The following APC variants were observed in gnomAD, a reference collection of about 807,000 sequenced individuals.
APC encodes APC regulator of Wnt signaling pathway.
A neutral mutation model predicts 247.0 loss-of-function variants in APC; 72 were observed. The ratio of observed to expected loss-of-function variants is 0.29; its 90% CI spans 0.24 to 0.35. APC has a LOEUF of 0.35. Among genes scored for constraint, APC ranks in the 10% least tolerant of loss-of-function variants. The pLI is 1.00. For missense variants in APC, 3,400 were observed against 3,360.7 expected (o/e 1.01, Z -0.29); for synonymous variants, 1,254 against 1,162.5 (o/e 1.08, Z -1.60).
At chr5:112,735,886 A>G (rs1473688809), upstream of APC, among the ~76,000 whole-genome samples, 2 of 152,220 alleles carry the variant, frequency 1.3e-5, no homozygotes, top group Non-Finnish European at 2.9e-5. Context: ...ATGAATATCT[A>G]TGATACATGC....
intron 5 of APC, among the ~76,000 whole-genome samples, chr5:112,777,456 C>G (rs1299231019): frequency 6.6e-6 from 1 of 152,148 alleles, no homozygotes; most frequent in Non-Finnish European, 1.5e-5. Flanking sequence ...AAGGAAGCAA[C>G]TACAGAAAGC....
At chr5:112,830,864 A>T (rs1764219864) in intron 14 of APC, among the ~76,000 whole-genome samples, 1 of 152,184 alleles carries the variant, frequency 6.6e-6, no homozygotes, top group Non-Finnish European at 1.5e-5. Flanking sequence ...TTGGACTGGC[A>T]GTTTTATGGG....
At chr5:112,719,103 TG>T (rs1397122138) in intron 1 of APC, among the ~76,000 whole-genome samples, 1 of 152,200 alleles carries the variant, frequency 6.6e-6, no homozygotes, top group Non-Finnish European at 1.5e-5. Context: ...ATTTTTGAAG[TG>T]GGACTGTATG....
At chr5:112,732,004 T>C (rs1752125686) in intron 1 of APC, among the ~76,000 whole-genome samples, 1 of 152,210 alleles carries the variant, frequency 6.6e-6, no homozygotes, top group Non-Finnish European at 1.5e-5. Flanking sequence ...TCAAGTGATC[T>C]GCCCACCTTG....
intron 7 of APC, among the ~76,000 whole-genome samples, chr5:112,793,732 GAAAT>G (rs1759897901): frequency 6.6e-6 from 1 of 152,094 alleles, no homozygotes; most frequent in Non-Finnish European, 1.5e-5. Context: ...GGAAATTAGA[GAAAT>G]AAATCAAAAT....
chr5:112,710,438 T>A (rs1018924499), intron 1 of APC, among the ~76,000 whole-genome samples: 2 of 152,184 alleles, frequency 1.3e-5, no homozygotes, highest in African/African-American at 4.8e-5. Flanking sequence ...ACCTTCTTTC[T>A]TTTCAAGAGC....
chr5:112,833,907 C>G (rs189359498), intron 14 of APC, among the ~76,000 whole-genome samples: 1 of 152,110 alleles, frequency 6.6e-6, no homozygotes, highest in African/African-American at 2.4e-5. Flanking sequence ...ATAATACTTC[C>G]AAGATATCTT....
At chr5:112,728,505 G>A (rs1328475794) in intron 1 of APC, among the ~76,000 whole-genome samples, 1 of 152,168 alleles carries the variant, frequency 6.6e-6, no homozygotes, top group African/African-American at 2.4e-5. Context: ...GACATCCCTG[G>A]AAAACACTGC....
chr5:112,739,602 T>TA (rs1476419588), intron 1 of APC, among the ~76,000 whole-genome samples: 2 of 152,202 alleles, frequency 1.3e-5, no homozygotes, highest in Non-Finnish European at 2.9e-5. Context: ...CCCATGCCTG[T>TA]AATACAAGCT....
At chr5:112,816,905 G>C (rs1279474884) in intron 9 of APC, among the ~76,000 whole-genome samples, 3 of 151,558 alleles carry the variant, frequency 2.0e-5, no homozygotes, top group Admixed American at 2.0e-4. Context: ...GTCTTGCTCT[G>C]TTGCCCAGGC....
chr5:112,775,560 A>G (rs1757532731), intron 4 of APC, 69 bp from the exon 5 acceptor site: 2 of 904,778 alleles, frequency 2.2e-6, no homozygotes, highest in Non-Finnish European at 3.6e-6. Flanking sequence ...CAACTGATGT[A>G]AGTATTGCTC....
At chr5:112,711,737 C>T (rs1256769441) in intron 1 of APC, among the ~76,000 whole-genome samples, 1 of 152,080 alleles carries the variant, frequency 6.6e-6, no homozygotes, top group East Asian at 1.9e-4. Flanking sequence ...ACAAAAAAAC[C>T]CAAAGAGATG....
intron 7 of APC, among the ~76,000 whole-genome samples, chr5:112,800,210 T>G (rs923360641): frequency 2.0e-5 from 3 of 152,222 alleles, no homozygotes; most frequent in African/African-American, 7.2e-5. Flanking sequence ...TGTTGACATC[T>G]TCACTTACGT....
Position 112,707,650 on chromosome 5 carries a change from G to C in APC, c.-68G>C, listed in dbSNP as rs1163893701. The C allele has an allele frequency of 1.5e-6, 2 of 1,362,968 alleles. No individual in the cohort carries two copies. The highest frequency in any genetic ancestry group is 1.9e-6 in the Non-Finnish European group (2 of 1,032,232). 84.4% of individuals were successfully genotyped at this position (1,362,968 alleles called of 1,614,324 possible). On this transcript the variant is annotated 5_prime_UTR_variant, in exon 1 of 14. Coordinates refer to the APC transcript ENST00000507379. ...GAGGTTGGCTCGATGCTGTTCCCAG[G>C]TACTGTTGTTGGCTGTTGGTGAGGA...
At chr5:112,805,730 C>G (rs540329845) in intron 8 of APC, among the ~76,000 whole-genome samples, 18 of 152,090 alleles carry the variant, frequency 1.2e-4, no homozygotes, top group Non-Finnish European at 2.4e-4. Context: ...CAAAAGCCAC[C>G]AACACTAGTT....
chr5:112,817,552 T>A (rs1302671887), intron 9 of APC, among the ~76,000 whole-genome samples: 1 of 152,178 alleles, frequency 6.6e-6, no homozygotes, highest in African/African-American at 2.4e-5. Flanking sequence ...GAAATTTAAT[T>A]CCAGATCTGT....
chr5:112,832,497 G>A (rs2047909033), intron 14 of APC, among the ~76,000 whole-genome samples: 1 of 152,238 alleles, frequency 6.6e-6, no homozygotes, highest in African/African-American at 2.4e-5. Flanking sequence ...GATGAAGAGA[G>A]TAAAGTAGCT....
intron 7 of APC, among the ~76,000 whole-genome samples, chr5:112,794,372 G>T (rs1338219449): frequency 3.3e-5 from 5 of 152,116 alleles, no homozygotes; most frequent in Non-Finnish European, 2.9e-5. Context: ...GAGCCACTGC[G>T]CCTGACCCCT....
At chr5:112,800,695 C>T (rs1254167715) in intron 7 of APC, among the ~76,000 whole-genome samples, 3 of 152,008 alleles carry the variant, frequency 2.0e-5, no homozygotes, top group Admixed American at 6.6e-5. Flanking sequence ...GAAATGACTG[C>T]TTTTACTGGA....
Sources: gnomAD v4.1 joint callset for allele counts (sites outside exome capture counted in the v4.1 genomes callset) on GRCh38, gnomAD v4.1.1 for gene constraint, MANE v1.5 for transcripts, NCBI Gene and HGNC (gene_info 2026-07-23, HGNC 2026-07-21) for gene names.